Variants in RABGAP1L observed in about 807,000 individuals in gnomAD.
The protein encoded by RABGAP1L is rab GTPase-activating protein 1-like.
In RABGAP1L, 63 loss-of-function variants were observed where a neutral mutation model predicts 137.7. The ratio of observed to expected loss-of-function variants is 0.46; its 90% CI spans 0.37 to 0.56. The LOEUF (loss-of-function observed/expected upper bound fraction) is 0.56. Ranked by LOEUF, RABGAP1L falls within the 20% of genes least tolerant of loss-of-function variation. The pLI is 0.00. For missense variants in RABGAP1L, 1,095 were observed against 1,244.0 expected (o/e 0.88, Z 1.80); for synonymous variants, 431 against 433.7 (o/e 0.99, Z 0.08).
rs181462776 is a variant in RABGAP1L at position 174,561,677 on chromosome 1, C to G, written c.1711-75698C>G. On this transcript the variant is annotated intron_variant, in intron 13 of 25. Coordinates refer to ENST00000681986, the MANE Select transcript of RABGAP1L (RefSeq NM_001366446.1). Reference sequence around the variant, plus strand: ...AAAACAGATACATAGACCAATGGAACAGAACAGAGGCCTCAGAAATAACAC... The same window carrying G: ...AAAACAGATACATAGACCAATGGAAGAGAACAGAGGCCTCAGAAATAACAC... Among the ~76,000 whole-genome samples, 432 of 152,256 alleles carry G rather than the reference C, an allele frequency of 2.8e-3. 5 individuals carry two copies. The highest frequency in any genetic ancestry group is 1.0e-2 in the African/African-American group (414 of 41,548).
At chr1:174,162,771 C>CTTTTTTTTTTTTT (rs1664584682) in intron 1 of RABGAP1L, among the ~76,000 whole-genome samples, 1 of 40,792 alleles carries the variant, frequency 2.5e-5, no homozygotes, top group East Asian at 8.9e-4. Context: ...TTTTTTTTCT[C>CTTTTTTTTTTTTT]TTTCTGTTTT....
chr1:174,851,030 G>A (rs1225880526), intron 19 of RABGAP1L, among the ~76,000 whole-genome samples: 6 of 152,184 alleles, frequency 3.9e-5, no homozygotes, highest in Non-Finnish European at 5.9e-5. Flanking sequence ...CCTGAAAGAG[G>A]TTGAGAGTGG....
chr1:174,618,741 T>G (rs1002295875), intron 13 of RABGAP1L, among the ~76,000 whole-genome samples: 9 of 152,120 alleles, frequency 5.9e-5, no homozygotes, highest in African/African-American at 2.2e-4. Context: ...GTGCCTCTCC[T>G]CCTCCAAAAA....
intron 13 of RABGAP1L, among the ~76,000 whole-genome samples, chr1:174,622,692 C>T (rs144212420): frequency 0.015 from 2,318 of 152,108 alleles, 31 homozygotes; most frequent in South Asian, 0.026. Flanking sequence ...CATCACACTC[C>T]GGGGTCTGTT....
intron 13 of RABGAP1L, among the ~76,000 whole-genome samples, chr1:174,568,052 C>T (rs193061941): frequency 7.9e-5 from 12 of 152,200 alleles, no homozygotes; most frequent in Admixed American, 5.2e-4. Flanking sequence ...TCACATGATC[C>T]GGGAGGCTGT....
intron 1 of RABGAP1L, among the ~76,000 whole-genome samples, chr1:174,193,152 A>G (rs1667330914): frequency 6.6e-6 from 1 of 152,220 alleles, no homozygotes; most frequent in Non-Finnish European, 1.5e-5. Context: ...CTTAACAGTT[A>G]TTCTTAACAA....
intron 14 of RABGAP1L, among the ~76,000 whole-genome samples, chr1:174,676,933 G>T (rs1677672322): frequency 6.6e-6 from 1 of 152,080 alleles, no homozygotes; most frequent in Non-Finnish European, 1.5e-5. Context: ...TTCTAAAGGA[G>T]TCATCTGTAG....
chr1:174,793,336 A>T (rs1483230557), intron 18 of RABGAP1L, among the ~76,000 whole-genome samples: 1 of 152,198 alleles, frequency 6.6e-6, no homozygotes, highest in Non-Finnish European at 1.5e-5. Flanking sequence ...TCTCCTTTCT[A>T]TTTAAAAACA....
intron 12 of RABGAP1L, among the ~76,000 whole-genome samples, chr1:174,384,600 G>A (rs371821901): frequency 1.3e-5 from 2 of 151,904 alleles, no homozygotes; most frequent in East Asian, 3.9e-4. Flanking sequence ...TGTCAGAACA[G>A]TGCCTTCATT....
At position 174,305,065 on chromosome 1, in the gene RABGAP1L, A is replaced by G. The variant is rs1678076218; in HGVS notation, c.1403A>G (p.Glu468Gly). The G allele has an allele frequency of 6.4e-7, 1 of 1,560,428 alleles. No homozygotes were observed. ...VSLQRESDKEEPVTPTSGGGP... is the reference protein window; with the variant it reads ...VSLQRESDKEGPVTPTSGGGP... ...CTACAGCGAGAGTCTGACAAGGAGG[A>G]ACCAGTCACTCCTACTAGTGGAGGG... is the stretch of plus-strand genomic sequence containing the variant. The change falls in exon 11 of 26, where the codon GAA becomes GGA. Residue 468 changes from glutamate (E) to glycine (G), a missense_variant. Glu to Gly is a moderately conservative substitution (Grantham distance 98). Coordinates refer to ENST00000681986, the MANE Select transcript of RABGAP1L (RefSeq NM_001366446.1).
At position 174,733,178 on chromosome 1, in the gene RABGAP1L, C is replaced by T. The variant is rs769574787; in HGVS notation, c.2170-19135C>T. 7.9e-5 allele frequency among the ~76,000 whole-genome samples: 12 copies of T among 152,200 alleles called. No individual in the cohort carries two copies. The East Asian group carries it at 9.7e-4, about 12-fold the overall frequency. On this transcript the variant is annotated intron_variant, in intron 17 of 25. Transcript: ENST00000681986. ...TCCAAAAAAGAATAAAAGGAGGAAG[C>T]GGTCAGACTTCAAGGGAAATAAAAT...
intron 13 of RABGAP1L, among the ~76,000 whole-genome samples, chr1:174,410,244 C>G (rs889635488): frequency 6.6e-6 from 1 of 152,122 alleles, no homozygotes; most frequent in Non-Finnish European, 1.5e-5. Context: ...ATAGGACTTA[C>G]GTTGAAATAT....
intron 4 of RABGAP1L, among the ~76,000 whole-genome samples, chr1:174,232,550 G>A (rs370233774): frequency 2.6e-5 from 4 of 151,614 alleles, no homozygotes; most frequent in South Asian, 4.2e-4. Context: ...TTGGAAGGCC[G>A]AGGTGGGTGG....
At chr1:174,614,786 C>T (rs1412276651) in intron 13 of RABGAP1L, among the ~76,000 whole-genome samples, 3 of 152,114 alleles carry the variant, frequency 2.0e-5, no homozygotes, top group Non-Finnish European at 4.4e-5. Context: ...TCTTTTTATT[C>T]TTTTTTCTCT....
chr1:174,434,196 T>A (rs1026220598), intron 13 of RABGAP1L, among the ~76,000 whole-genome samples: 1 of 151,370 alleles, frequency 6.6e-6, no homozygotes, highest in African/African-American at 2.4e-5. Flanking sequence ...CAGCAAAAAT[T>A]AGTTTTTCCC....
chr1:174,582,472 G>T (rs1346572841), intron 13 of RABGAP1L, among the ~76,000 whole-genome samples: 8 of 152,034 alleles, frequency 5.3e-5, no homozygotes, highest in African/African-American at 9.7e-5. Flanking sequence ...CCTGGCAGTG[G>T]TGCGTGCCTG....
intron 13 of RABGAP1L, among the ~76,000 whole-genome samples, chr1:174,599,033 T>C (rs1339233690): frequency 6.6e-6 from 1 of 151,496 alleles, no homozygotes; most frequent in African/African-American, 2.4e-5. Flanking sequence ...TCCCGTTCTG[T>C]TGTTTTTGTG....
intron 1 of RABGAP1L, among the ~76,000 whole-genome samples, chr1:174,186,047 G>A (rs1421500658): frequency 6.6e-6 from 1 of 151,874 alleles, no homozygotes. Context: ...GGAAGGGTGA[G>A]GCAGGAGAAT....
chr1:174,923,311 T>C lies in RABGAP1L; in HGVS notation c.2341-34146T>C, dbSNP rs1052491555. On this transcript the variant is annotated intron_variant, in intron 19 of 25. Transcript: ENST00000681986. Reference sequence around the variant, plus strand: ...TGGCTATCCAGATATTGGAGAAAACTGAAATCGACCTTAAGACTGATTTGT... The same window carrying C: ...TGGCTATCCAGATATTGGAGAAAACCGAAATCGACCTTAAGACTGATTTGT... 2.0e-5 allele frequency among the ~76,000 whole-genome samples: 3 copies of C among 152,218 alleles called. No individual in the cohort carries two copies. The South Asian group carries it at 6.2e-4, about 31-fold the overall frequency.
Sources: gnomAD v4.1 joint callset for allele counts (sites outside exome capture counted in the v4.1 genomes callset) on GRCh38, gnomAD v4.1.1 for gene constraint, MANE v1.5 for transcripts, NCBI Gene and HGNC (gene_info 2026-07-23, HGNC 2026-07-21) for gene names.